Variants in LDB2 observed in about 807,000 individuals in gnomAD.
The protein encoded by LDB2 is LIM domain binding 2, also known as LIM domain-binding protein 2.
Under a neutral mutation model 44.3 loss-of-function variants are expected in LDB2, and 12 were observed. The ratio of observed to expected loss-of-function variants is 0.27; its 90% CI spans 0.17 to 0.44. LDB2 has a LOEUF of 0.44. Ranked by LOEUF, LDB2 falls within the 20% of genes least tolerant of loss-of-function variation. LDB2 has a pLI of 1.00. For synonymous variants in LDB2, 164 were observed against 174.8 expected (o/e 0.94, Z 0.49); for missense variants, 344 against 473.5 (o/e 0.73, Z 2.54).
intron 2 of LDB2, among the ~76,000 whole-genome samples, chr4:16,599,335 T>A (rs1414066588): frequency 6.6e-6 from 1 of 152,132 alleles, no homozygotes; most frequent in African/African-American, 2.4e-5. Flanking sequence ...TTCCTCCATC[T>A]TCAAAACTCA....
intron 5 of LDB2, among the ~76,000 whole-genome samples, chr4:16,565,686 T>G (rs1359404735): frequency 6.6e-6 from 1 of 151,802 alleles, no homozygotes; most frequent in Non-Finnish European, 1.5e-5. Flanking sequence ...TTTAAAAGAC[T>G]TAGTAAAATC....
chr4:16,783,724 C>T (rs1773808610), intron 1 of LDB2, among the ~76,000 whole-genome samples: 1 of 152,150 alleles, frequency 6.6e-6, no homozygotes, highest in African/African-American at 2.4e-5. Flanking sequence ...CATAGATGTT[C>T]CTAATTGCTT....
intron 2 of LDB2, among the ~76,000 whole-genome samples, chr4:16,739,996 A>G (rs1762914363): frequency 6.6e-6 from 1 of 151,908 alleles, no homozygotes; most frequent in Non-Finnish European, 1.5e-5. Flanking sequence ...ACAACATAAA[A>G]GTATCTGTTC....
intron 5 of LDB2, among the ~76,000 whole-genome samples, chr4:16,556,333 T>C (rs1178110036): frequency 6.6e-6 from 1 of 152,202 alleles, no homozygotes; most frequent in Non-Finnish European, 1.5e-5. Flanking sequence ...AATGAATAAA[T>C]GCCTGGCACA....
chr4:16,739,970 T>G (rs1398731984), intron 2 of LDB2, among the ~76,000 whole-genome samples: 1 of 151,716 alleles, frequency 6.6e-6, no homozygotes, highest in African/African-American at 2.4e-5. Context: ...TGTTCATACT[T>G]TTAAAACTTA....
chr4:16,749,456 G>A (rs1184963045), intron 2 of LDB2, among the ~76,000 whole-genome samples: 3 of 150,912 alleles, frequency 2.0e-5, no homozygotes, highest in Non-Finnish European at 2.9e-5. Flanking sequence ...TACTCGGGAG[G>A]CTGAGGCAGG....
chr4:16,769,151 T>G (rs1222780403), intron 1 of LDB2, among the ~76,000 whole-genome samples: 1 of 152,184 alleles, frequency 6.6e-6, no homozygotes, highest in East Asian at 1.9e-4. Flanking sequence ...CCTATGGAAT[T>G]CGGCTTGAAG....
intron 2 of LDB2, among the ~76,000 whole-genome samples, chr4:16,609,351 C>CA (rs1724926012): frequency 1.8e-5 from 2 of 108,850 alleles, no homozygotes; most frequent in African/African-American, 3.3e-5. Context: ...GGGGAGGGGG[C>CA]GGGGGGGGGA....
intron 5 of LDB2, among the ~76,000 whole-genome samples, chr4:16,564,982 C>T (rs1743966513): frequency 6.6e-6 from 1 of 152,210 alleles, no homozygotes; most frequent in Admixed American, 6.5e-5. Context: ...TCGTTTGAAT[C>T]CAATTCTCCT....
rs4065068 is a variant in LDB2 at position 16,854,728 on chromosome 4, G to GTA, written c.132+43624_132+43625dup. On this transcript the variant is annotated intron_variant, in intron 1 of 7. Coordinates refer to ENST00000304523, the MANE Select transcript of LDB2 (RefSeq NM_001290.5). ...TAATATATATGTGTATATTATGTGT[G>GTA]TATATATATATATAACTATTTCATG... Among the ~76,000 whole-genome samples, 180 of 149,104 alleles carry GTA rather than the reference G, an allele frequency of 1.2e-3. 1 individual carries two copies. The highest frequency in any genetic ancestry group is 7.1e-3 in the Middle Eastern group (2 of 282).
At chr4:16,778,422 G>A (rs1248254484) in intron 1 of LDB2, among the ~76,000 whole-genome samples, 1 of 152,074 alleles carries the variant, frequency 6.6e-6, no homozygotes, top group Non-Finnish European at 1.5e-5. Flanking sequence ...AACACCTGCA[G>A]AGGCTCCCTG....
chr4:16,650,523 CT>C (rs1206176692), intron 2 of LDB2, among the ~76,000 whole-genome samples: 2 of 152,120 alleles, frequency 1.3e-5, no homozygotes, highest in Admixed American at 1.3e-4. Flanking sequence ...AGATTCCAGT[CT>C]TTTTCTGTAG....
chr4:16,683,264 G>A (rs532383542), intron 2 of LDB2, among the ~76,000 whole-genome samples: 25 of 152,234 alleles, frequency 1.6e-4, no homozygotes, highest in Admixed American at 5.9e-4. Flanking sequence ...TCACATAGGC[G>A]TACTTCCTGC....
At chr4:16,816,560 C>T (rs58989761) in intron 1 of LDB2, among the ~76,000 whole-genome samples, 115 of 142,650 alleles carry the variant, frequency 8.1e-4, no homozygotes, top group African/African-American at 2.7e-3. Flanking sequence ...AGGCGCCTGC[C>T]ACCACATCCA....
At chr4:16,525,774 A>G (rs957823792) in intron 5 of LDB2, among the ~76,000 whole-genome samples, 2 of 152,244 alleles carry the variant, frequency 1.3e-5, no homozygotes, top group African/African-American at 4.8e-5. Context: ...CCAAAGAGAA[A>G]AGGTAACGTA....
At chr4:16,894,554 G>C (rs1724367623) in intron 1 of LDB2, among the ~76,000 whole-genome samples, 1 of 152,074 alleles carries the variant, frequency 6.6e-6, no homozygotes, top group South Asian at 2.1e-4. Flanking sequence ...TTAGTACTTA[G>C]TCACTTGCTT....
intron 2 of LDB2, among the ~76,000 whole-genome samples, chr4:16,621,057 C>T (rs1192042891): frequency 2.0e-5 from 3 of 152,198 alleles, no homozygotes; most frequent in Non-Finnish European, 4.4e-5. Flanking sequence ...TCTTTTCACA[C>T]ATCTACTACG....
intron 2 of LDB2, among the ~76,000 whole-genome samples, chr4:16,716,974 A>C (rs1168529657): frequency 6.6e-6 from 1 of 152,118 alleles, no homozygotes; most frequent in Non-Finnish European, 1.5e-5. Flanking sequence ...TTAATTTAAA[A>C]TTAATTTGAA....
chr4:16,815,209 G>A (rs1780688603), intron 1 of LDB2, among the ~76,000 whole-genome samples: 1 of 152,212 alleles, frequency 6.6e-6, no homozygotes, highest in Admixed American at 6.5e-5. Flanking sequence ...TTAGAACCAG[G>A]TTTTCCAGCT....
Sources: gnomAD v4.1 joint callset for allele counts (sites outside exome capture counted in the v4.1 genomes callset) on GRCh38, gnomAD v4.1.1 for gene constraint, MANE v1.5 for transcripts, NCBI Gene and HGNC (gene_info 2026-07-23, HGNC 2026-07-21) for gene names.